STX11: variants seen among roughly 807,000 people sequenced by gnomAD.
STX11 encodes syntaxin-11.
Under a neutral mutation model 19.9 loss-of-function variants are expected in STX11, and 21 were observed. That is an observed-to-expected ratio of 1.06 (90% confidence interval 0.75 to 1.52). STX11 has a LOEUF of 1.52. STX11 is among the 40% of genes most tolerant of loss of function. The pLI is 0.00. For missense variants in STX11, 438 were observed against 405.9 expected (o/e 1.08, Z -0.68); for synonymous variants, 193 against 174.4 (o/e 1.11, Z -0.84).
rs1442336181 is a variant in STX11 at position 144,186,913 on chromosome 6, C to A, written c.286C>A (p.Arg96=). 6.2e-7 allele frequency: 1 copy of A among 1,610,774 alleles called. No homozygotes were observed. The highest frequency in any genetic ancestry group is 8.5e-7 in the Non-Finnish European group (1 of 1,180,008). Residue 96 remains arginine, a synonymous_variant, in exon 2 of 2, where the codon CGG becomes AGG. Coordinates refer to ENST00000367568, the MANE Select transcript of STX11 (RefSeq NM_003764.4). ...CTCCATCGCCAAGGCCATCAAGGCC[C>A]GGGGCGAGGTCATCCACTGCAAGCT... ...TNSIAKAIKA[R]GEVIHCKLRA...
At chr6:144,179,635 C>T (rs1306206397) in intron 1 of STX11, among the ~76,000 whole-genome samples, 3 of 152,166 alleles carry the variant, frequency 2.0e-5, no homozygotes, top group Non-Finnish European at 4.4e-5. Flanking sequence ...TGTGATCTCA[C>T]CACAGATGAG....
chr6:144,147,928 G>A (rs528408821), upstream of STX11, among the ~76,000 whole-genome samples: 1 of 152,178 alleles, frequency 6.6e-6, no homozygotes, highest in East Asian at 1.9e-4. The surrounding 1 kb of genome is among the most constrained non-coding windows in gnomAD (Gnocchi z 4.2). Context: ...AATGTCATCA[G>A]CAAGCACCCT....
rs759606609 is a variant in STX11, at chr6:144,152,317, C to G, written c.-6+1614C>G. ...TAAATCTATACCCAGAGAAAAGTTT[C>G]TGTCCCAATATGACTGATGTTTCTG... On this transcript the variant is annotated intron_variant, in intron 1 of 1. Transcript: ENST00000367568. This position sits in a 1 kb window ranked among gnomAD's most constrained non-coding sequence, Gnocchi z 4.9. Among the ~76,000 whole-genome samples, 12 of 152,174 alleles carry G rather than the reference C, an allele frequency of 7.9e-5. No individual in the cohort carries two copies. The highest frequency in any genetic ancestry group is 1.3e-4 in the Non-Finnish European group (9 of 68,032).
At chr6:144,186,593 G>A (rs773008012) in intron 1 of STX11, 30 bp from the exon 2 acceptor site, 2 of 1,613,564 alleles carry the variant, frequency 1.2e-6, no homozygotes, top group South Asian at 2.2e-5. Flanking sequence ...TCTCAATAGA[G>A]AAATTTAACT....
chr6:144,140,250 ATATATTTATT>A, the STX11 span, among the ~76,000 whole-genome samples: 8 of 43,890 alleles, frequency 1.8e-4, no homozygotes, highest in East Asian at 1.1e-3. Flanking sequence ...ATATATATAT[ATATATTTATT>A]TATTTATTTT....
At chr6:144,186,335 T>G (rs1802032225) in intron 1 of STX11, among the ~76,000 whole-genome samples, 1 of 150,838 alleles carries the variant, frequency 6.6e-6, no homozygotes, top group Non-Finnish European at 1.5e-5. Flanking sequence ...TATAAATAAA[T>G]AAATAAATAA....
upstream of STX11, among the ~76,000 whole-genome samples, chr6:144,150,029 T>C (rs1800952859): frequency 6.6e-6 from 1 of 152,140 alleles, no homozygotes; most frequent in Non-Finnish European, 1.5e-5. Flanking sequence ...TCGGCAGGGT[T>C]CTGGGAAGGC....
Position 144,151,531 on chromosome 6 carries a change from C to A in STX11, c.-6+828C>A. Reference sequence around the variant, plus strand: ...AAATGCCTGCCCTGCCAACCTGGGGCAGTGGTATGGGAAGTGACGATTGAG... The same window carrying A: ...AAATGCCTGCCCTGCCAACCTGGGGAAGTGGTATGGGAAGTGACGATTGAG... On this transcript the variant is annotated intron_variant, in intron 1 of 1. Coordinates refer to ENST00000367568, the MANE Select transcript of STX11 (RefSeq NM_003764.4). The surrounding 1 kb of genome is among the most constrained non-coding windows in gnomAD (Gnocchi z 4.6). The A allele has an allele frequency of 1.5e-6, 1 of 682,440 alleles. No homozygotes were observed. The highest frequency in any genetic ancestry group is 1.8e-6 in the Non-Finnish European group (1 of 553,008). 42.3% of individuals were successfully genotyped at this position (682,440 alleles called of 1,614,324 possible).
Position 144,176,340 on chromosome 6 carries a change from A to G in STX11, c.-5-10283A>G, listed in dbSNP as rs1360749110. ...GACTTCTCTCTTACTCACTGGGTGA[A>G]CTTAACTTCTCCGAGACCCAGTTAT... On this transcript the variant is annotated intron_variant, in intron 1 of 1. Transcript: ENST00000367568. This position sits in a 1 kb window ranked among gnomAD's most constrained non-coding sequence, Gnocchi z 4.1. Among the ~76,000 whole-genome samples the G allele has an allele frequency of 6.6e-6, 1 of 152,144 alleles. No individual in the cohort carries two copies.
At position 144,186,774 on chromosome 6, in the gene STX11, G is replaced by A; in HGVS notation, c.147G>A (p.Arg49=). 6.2e-7 allele frequency: 1 copy of A among 1,614,040 alleles called. No homozygotes were observed. The highest frequency in any genetic ancestry group is 8.5e-7 in the Non-Finnish European group (1 of 1,180,026). ...HILESLYRDI[R]DIQDENQLLV... ...TGGAGTCCCTGTACCGAGACATCCGGGACATTCAGGATGAAAACCAGCTGC... is the reference window on the plus strand; with the variant it reads ...TGGAGTCCCTGTACCGAGACATCCGAGACATTCAGGATGAAAACCAGCTGC... The change falls in exon 2 of 2, where the codon CGG becomes CGA. Residue 49 remains arginine (R), a synonymous_variant. Coordinates refer to ENST00000367568, the MANE Select transcript of STX11 (RefSeq NM_003764.4).
chr6:144,140,247 TATA>T, the STX11 span, among the ~76,000 whole-genome samples: 6 of 46,390 alleles, frequency 1.3e-4, no homozygotes, highest in African/African-American at 1.0e-3. Flanking sequence ...TATATATATA[TATA>T]TATATTTATT....
chr6:144,157,704 G>A (rs1584018712), intron 1 of STX11, among the ~76,000 whole-genome samples: 1 of 152,158 alleles, frequency 6.6e-6, no homozygotes, highest in East Asian at 1.9e-4. Context: ...GTTTAACAAA[G>A]AAGGCTAAAC....
chr6:144,191,544 A>AT lies in STX11; in HGVS notation c.*4053_*4054insT, dbSNP rs1485183777. ...AGATTGTGTACAGCTTAAAAAAAAA[A>AT]ATAGGGTAACTATAGTCTTGATTTT... On this transcript the variant is annotated 3_prime_UTR_variant, in exon 2 of 2. Transcript: ENST00000367568. Among the ~76,000 whole-genome samples the AT allele has an allele frequency of 1.3e-5, 2 of 151,018 alleles. No homozygotes were observed. Among genetic ancestry groups the AT allele is most frequent in the Non-Finnish European group, 3.0e-5 (2 of 67,734 alleles).
At chr6:144,146,146 C>A (rs1426022336), upstream of STX11, among the ~76,000 whole-genome samples, 5 of 152,166 alleles carry the variant, frequency 3.3e-5, no homozygotes, top group East Asian at 1.9e-4. This position sits in a 1 kb window ranked among gnomAD's most constrained non-coding sequence, Gnocchi z 4.4. Context: ...TGCTAGAGGA[C>A]CTTCCAACCC....
At chr6:144,141,299 G>C in the STX11 span, among the ~76,000 whole-genome samples, 1 of 152,012 alleles carries the variant, frequency 6.6e-6, no homozygotes, top group African/African-American at 2.4e-5. Flanking sequence ...CAAACTTCAG[G>C]CCTCTTACAA....
chr6:144,179,070 G>A (rs1460875857), intron 1 of STX11, among the ~76,000 whole-genome samples: 1 of 152,184 alleles, frequency 6.6e-6, no homozygotes, highest in Non-Finnish European at 1.5e-5. Flanking sequence ...CAATCATGGT[G>A]AGGCAATGGT....
At position 144,187,558 on chromosome 6, in the gene STX11, C is replaced by T. The variant is rs1802095139; in HGVS notation, c.*67C>T. 11 of 1,603,554 alleles carry T rather than the reference C, an allele frequency of 6.9e-6. No homozygotes were observed. The highest frequency in any genetic ancestry group is 5.5e-5 in the South Asian group (5 of 90,224). On this transcript the variant is annotated 3_prime_UTR_variant, in exon 2 of 2. Coordinates refer to ENST00000367568, the MANE Select transcript of STX11 (RefSeq NM_003764.4). The surrounding 1 kb of genome is among the most constrained non-coding windows in gnomAD (Gnocchi z 5.6). ...GCGCGCTGGGAAGGACGCACCAAAG[C>T]CGGGAGCTCTGCCCTGCAGGGAGTT...
chr6:144,150,187 T>C (rs1800957437), upstream of STX11, among the ~76,000 whole-genome samples: 1 of 152,200 alleles, frequency 6.6e-6, no homozygotes, highest in African/African-American at 2.4e-5. Flanking sequence ...GGACTGCAAA[T>C]GTCACCAGCG....
chr6:144,160,015 A>G lies in STX11; in HGVS notation c.-6+9312A>G, dbSNP rs1225131714. 6.6e-6 allele frequency among the ~76,000 whole-genome samples: 1 copy of G among 152,044 alleles called. No homozygotes were observed. The highest frequency in any genetic ancestry group is 1.5e-5 in the Non-Finnish European group (1 of 68,000). On this transcript the variant is annotated intron_variant, in intron 1 of 1. Coordinates refer to ENST00000367568, the MANE Select transcript of STX11 (RefSeq NM_003764.4). The surrounding 1 kb of genome is among the most constrained non-coding windows in gnomAD (Gnocchi z 4.3). ...TGGCCAGTTCTTGTTTTTTAAAAAA[A>G]TATTATGATTTTTGAGAGACTCTGT...
Sources: gnomAD v4.1 joint callset for allele counts (sites outside exome capture counted in the v4.1 genomes callset) on GRCh38, gnomAD v4.1.1 for gene constraint, Gnocchi (gnomAD v3.1) non-coding constraint, MANE v1.5 for transcripts, NCBI Gene and HGNC (gene_info 2026-07-23, HGNC 2026-07-21) for gene names.